The following EPHA3 variants were observed in gnomAD, a reference collection of about 807,000 sequenced individuals.
EPHA3 encodes the protein EPH receptor A3, also known as ephrin type-A receptor 3.
EPHA3 carries 42 observed loss-of-function variants against 107.1 expected under a neutral mutation model. The observed-to-expected ratio is 0.39, with a 90% CI of 0.31 to 0.51. The LOEUF (loss-of-function observed/expected upper bound fraction) is 0.51, where lower values mean the gene tolerates loss of function less well. Among genes scored for constraint, EPHA3 ranks in the 20% least tolerant of loss-of-function variants. The probability of loss-of-function intolerance (pLI) is 0.78; values close to 1 mark genes in which losing one functional copy is unlikely to be tolerated. For missense variants in EPHA3, 1,183 were observed against 1,211.2 expected, an observed-to-expected ratio of 0.98 and a Z score of 0.35; for synonymous variants, 461 against 424.8, an observed-to-expected ratio of 1.09 and a Z score of -1.05.
intron 5 of EPHA3, among the ~76,000 whole-genome samples, chr3:89,360,146 A>G (rs1708061312): frequency 6.6e-6 from 1 of 150,666 alleles, no homozygotes; most frequent in Admixed American, 6.7e-5. Context: ...TACTGCTTTT[A>G]GGAATTTTGC....
chr3:89,318,479 G>A (rs115936344), intron 3 of EPHA3, among the ~76,000 whole-genome samples: 3 of 151,752 alleles, frequency 2.0e-5, no homozygotes, highest in African/African-American at 7.2e-5. Flanking sequence ...ACTATTTTCT[G>A]TTGAATGATT....
chr3:89,174,181 G>T (rs1294731792), intron 2 of EPHA3, among the ~76,000 whole-genome samples: 1 of 151,984 alleles, frequency 6.6e-6, no homozygotes, highest in Non-Finnish European at 1.5e-5. Context: ...TCTGTTTTCT[G>T]TTGGTGAAAG....
rs200120656 is a variant in EPHA3 at position 89,387,769 on chromosome 3, A to C, written c.1307-8068A>C. On this transcript the variant is annotated intron_variant, in intron 5 of 16. Coordinates refer to ENST00000336596, the MANE Select transcript of EPHA3 (RefSeq NM_005233.6). Reference sequence around the variant, plus strand: ...TATAAGATTTCATTTTGGTGAATTTATGCAATAAATGACTATGAAATGCAT... The same window carrying C: ...TATAAGATTTCATTTTGGTGAATTTCTGCAATAAATGACTATGAAATGCAT... 3.5e-4 allele frequency among the ~76,000 whole-genome samples: 53 copies of C among 152,258 alleles called. No individual in the cohort carries two copies. In the East Asian group the frequency reaches 0.01, roughly 29 times the overall value.
chr3:89,339,770 A>G (rs1707475778), intron 3 of EPHA3, among the ~76,000 whole-genome samples: 1 of 152,208 alleles, frequency 6.6e-6, no homozygotes, highest in Non-Finnish European at 1.5e-5. Context: ...TCTAGAATGT[A>G]ATGACCATCT....
intron 13 of EPHA3, among the ~76,000 whole-genome samples, chr3:89,434,140 A>C (rs1709621033): frequency 6.6e-6 from 1 of 152,214 alleles, no homozygotes; most frequent in African/African-American, 2.4e-5. Flanking sequence ...TTTGATAAAA[A>C]AATTATTTGA....
intron 2 of EPHA3, among the ~76,000 whole-genome samples, chr3:89,166,895 A>T (rs1269987471): frequency 6.6e-6 from 1 of 152,178 alleles, no homozygotes; most frequent in Non-Finnish European, 1.5e-5. Flanking sequence ...CCCAGCAAGT[A>T]TGATGTATTA....
intron 3 of EPHA3, among the ~76,000 whole-genome samples, chr3:89,306,693 C>T (rs1706630442): frequency 6.6e-6 from 1 of 152,140 alleles, no homozygotes; most frequent in Non-Finnish European, 1.5e-5. Context: ...TCAGTCTAGC[C>T]ATCCATTCAT....
At chr3:89,278,912 G>A (rs533255039) in intron 3 of EPHA3, among the ~76,000 whole-genome samples, 4 of 152,248 alleles carry the variant, frequency 2.6e-5, no homozygotes, top group African/African-American at 4.8e-5. Flanking sequence ...TCATATTTAA[G>A]GGTGATTAGA....
chr3:89,187,477 T>A (rs1705596146), intron 2 of EPHA3, among the ~76,000 whole-genome samples: 1 of 151,222 alleles, frequency 6.6e-6, no homozygotes, highest in South Asian at 2.1e-4. Context: ...TATTAATAAA[T>A]AATTGACATA....
At chr3:89,304,706 TCATA>T (rs1186236906) in intron 3 of EPHA3, among the ~76,000 whole-genome samples, 1 of 152,180 alleles carries the variant, frequency 6.6e-6, no homozygotes, top group African/African-American at 2.4e-5. Flanking sequence ...AATTATTATA[TCATA>T]CAAACAATGT....
chr3:89,299,341 A>G (rs1706431227), intron 3 of EPHA3, among the ~76,000 whole-genome samples: 1 of 152,034 alleles, frequency 6.6e-6, no homozygotes, highest in Non-Finnish European at 1.5e-5. Context: ...AATTTCCAGT[A>G]GTTGGTGACT....
At chr3:89,303,180 G>A (rs747527024) in intron 3 of EPHA3, among the ~76,000 whole-genome samples, 12 of 152,128 alleles carry the variant, frequency 7.9e-5, no homozygotes, top group Admixed American at 6.6e-5. Context: ...ACAGACTTGA[G>A]CTACTGCACC....
Position 89,481,186 on chromosome 3 carries a change from A to C in EPHA3, c.*1684A>C, listed in dbSNP as rs1434345450. On this transcript the variant is annotated 3_prime_UTR_variant, in exon 17 of 17. Coordinates refer to ENST00000336596, the MANE Select transcript of EPHA3 (RefSeq NM_005233.6). The stretch of plus-strand genomic sequence containing the variant: ...GCAAAATGGAACGCTAATGAAACAC[A>C]GCTTACAATCGCAAATCAAAACTCA... 8.6e-6 allele frequency: 2 copies of C among 232,254 alleles called. No homozygotes were observed. Among genetic ancestry groups the C allele is most frequent in the African/African-American group, 2.2e-5 (1 of 45,332 alleles). 14.4% of individuals were successfully genotyped at this position (232,254 alleles called of 1,614,324 possible).
At chr3:89,318,146 T>A (rs913128672) in intron 3 of EPHA3, among the ~76,000 whole-genome samples, 2 of 151,892 alleles carry the variant, frequency 1.3e-5, no homozygotes, top group Non-Finnish European at 2.9e-5. Context: ...TATGAATATT[T>A]TATTATTGAT....
chr3:89,315,426 C>A (rs1338089557), intron 3 of EPHA3, among the ~76,000 whole-genome samples: 1 of 151,692 alleles, frequency 6.6e-6, no homozygotes, highest in Non-Finnish European at 1.5e-5. Flanking sequence ...CTTCAGGGCA[C>A]CTTCAGGGAT....
chr3:89,143,994 T>G (rs1415701497), intron 2 of EPHA3, among the ~76,000 whole-genome samples: 1 of 151,582 alleles, frequency 6.6e-6, no homozygotes, highest in Non-Finnish European at 1.5e-5. Context: ...TATTCCCCAT[T>G]TACCCCCACA....
intron 2 of EPHA3, among the ~76,000 whole-genome samples, chr3:89,138,165 T>C (rs1436948380): frequency 6.6e-6 from 1 of 151,796 alleles, no homozygotes; most frequent in African/African-American, 2.4e-5. Flanking sequence ...AATATAACTG[T>C]TGATATTTTT....
At chr3:89,131,689 A>G (rs370282387) in intron 2 of EPHA3, among the ~76,000 whole-genome samples, 3 of 152,334 alleles carry the variant, frequency 2.0e-5, no homozygotes, top group South Asian at 4.1e-4. Context: ...GGGAGTGTAG[A>G]AAAAGCACTG....
chr3:89,348,628 T>G, intron 5 of EPHA3, among the ~76,000 whole-genome samples: 1 of 133,378 alleles, frequency 7.5e-6, no homozygotes, highest in African/African-American at 3.1e-5. Context: ...AGTTCTGCTC[T>G]GATTTTAGTT....
Sources: allele counts gnomAD v4.1 joint callset (sites outside exome capture counted in the v4.1 genomes callset), GRCh38; gene constraint gnomAD v4.1.1; transcripts MANE v1.5; gene names NCBI Gene and HGNC (gene_info 2026-07-23, HGNC 2026-07-21).